The following XRCC5 variants were observed in gnomAD, a reference collection of about 807,000 sequenced individuals.
The protein encoded by XRCC5 is X-ray repair cross complementing 5, also known as DNA repair protein Ku80.
A neutral mutation model predicts 95.7 loss-of-function variants in XRCC5; 12 were observed. That is an observed-to-expected ratio of 0.13 (90% CI 0.08 to 0.20). XRCC5 has a LOEUF of 0.20. XRCC5 is among the 10% of genes least tolerant of loss of function. The pLI, the probability that XRCC5 is intolerant of heterozygous loss-of-function variation, is 1.00. For synonymous variants in XRCC5, 281 were observed against 290.3 expected, an observed-to-expected ratio of 0.97 and a Z score of 0.33; for missense variants, 595 against 873.9, an observed-to-expected ratio of 0.68 and a Z score of 4.02.
chr2:216,126,104 A>G (rs1166894700), intron 7 of XRCC5, 73 bp downstream of exon 7: 1 of 1,191,090 alleles, frequency 8.4e-7, no homozygotes, highest in Admixed American at 1.9e-5. Flanking sequence ...GGAACAGACA[A>G]TTCATGTGTG....
In XRCC5 at chr2:216,170,906, A is replaced by G. The variant is rs184292952; in HGVS notation, c.1834+8858A>G. Among the ~76,000 whole-genome samples the G allele has an allele frequency of 3.1e-4, 47 of 152,304 alleles. No individual in the cohort carries two copies. The East Asian group carries it at 7.1e-3, about 23-fold the overall frequency. ...ATTCTGCAGTTCTTCCTTCCATGGT[A>G]GGTCATTGTCATGTCATGTAGGGTA... On this transcript the variant is annotated intron_variant, in intron 16 of 20. Coordinates refer to ENST00000392132, the MANE Select transcript of XRCC5 (RefSeq NM_021141.4).
At chr2:216,200,771 T>C (rs1207256319) in intron 19 of XRCC5, among the ~76,000 whole-genome samples, 1 of 152,238 alleles carries the variant, frequency 6.6e-6, no homozygotes, top group African/African-American at 2.4e-5. Flanking sequence ...ATAATTGGAA[T>C]CATGCCTTTT....
intron 3 of XRCC5, 39 bp downstream of exon 3, chr2:216,116,881 C>G (rs765364534): frequency 6.2e-7 from 1 of 1,602,988 alleles, no homozygotes; most frequent in African/African-American, 1.3e-5. Context: ...AAGAAATTTC[C>G]TTTATTCTGG....
rs1320314535 is a variant in XRCC5 at position 216,206,167 on chromosome 2, T to TC, written c.*965_*966insC. The TC allele has an allele frequency of 9.2e-5, 14 of 152,356 alleles. No homozygotes were observed. The East Asian group carries it at 1.5e-3, about 17-fold the overall frequency. The allele number at this position is 152,356 out of a possible 1,614,324, so 9.4% of individuals were successfully genotyped here. On this transcript the variant is annotated 3_prime_UTR_variant, in exon 21 of 21. Transcript: ENST00000392132. ...TCCTCATTCTTGCCTTGAGTTCCAG[T>TC]TCCTCTTTGGTGTACAGACTTCTTG...
intron 8 of XRCC5, among the ~76,000 whole-genome samples, chr2:216,128,323 A>G (rs980886640): frequency 6.6e-6 from 1 of 152,196 alleles, no homozygotes; most frequent in Non-Finnish European, 1.5e-5. Context: ...TTGCCAGGCT[A>G]TTCACTACCC....
chr2:216,170,070 A>AAAAG (rs1689129885), intron 16 of XRCC5, among the ~76,000 whole-genome samples: 1 of 131,496 alleles, frequency 7.6e-6, no homozygotes, highest in Non-Finnish European at 1.6e-5. Flanking sequence ...AAAAAAAAAA[A>AAAAG]GATGCACTTG....
intron 14 of XRCC5, among the ~76,000 whole-genome samples, chr2:216,151,020 C>T (rs546861349): frequency 6.6e-6 from 1 of 152,306 alleles, no homozygotes; most frequent in South Asian, 2.1e-4. Context: ...ATATGTGGCT[C>T]ATCATTGACC....
intron 19 of XRCC5, among the ~76,000 whole-genome samples, chr2:216,197,594 T>A: frequency 6.6e-6 from 1 of 152,270 alleles, no homozygotes; most frequent in South Asian, 2.1e-4. Context: ...TTTTAGAGCA[T>A]AGTGTTTCCA....
chr2:216,172,464 C>CTTTCCTTTTTTTTTTT (rs1258491985), intron 16 of XRCC5, among the ~76,000 whole-genome samples: 3 of 70,348 alleles, frequency 4.3e-5, no homozygotes, highest in African/African-American at 1.9e-4. Context: ...ATCAGCTTTT[C>CTTTCCTTTTTTTTTTT]TTTTCTTTTT....
rs1332827121 is a variant in XRCC5 at position 216,137,234 on chromosome 2, C to T, written c.1251+9C>T. ...TCAAGCATAACTATGAGGTAAAACC[C>T]AAAGTCTTAATGTTATTTTTTTTCT... On this transcript the variant is annotated intron_variant, in intron 11 of 20. Coordinates refer to ENST00000392132, the MANE Select transcript of XRCC5 (RefSeq NM_021141.4). The T allele has an allele frequency of 1.6e-5, 25 of 1,610,006 alleles. No homozygotes were observed. Among genetic ancestry groups the T allele is most frequent in the Non-Finnish European group, 2.1e-5 (25 of 1,178,214 alleles).
intron 19 of XRCC5, among the ~76,000 whole-genome samples, chr2:216,196,079 G>C (rs941008099): frequency 4.6e-5 from 7 of 152,168 alleles, no homozygotes; most frequent in Non-Finnish European, 1.0e-4. Flanking sequence ...ATGTTAATCA[G>C]ATGGCTAAAT....
At chr2:216,109,881 T>A (rs1472291076) in intron 1 of XRCC5, among the ~76,000 whole-genome samples, 1 of 152,202 alleles carries the variant, frequency 6.6e-6, no homozygotes, top group African/African-American at 2.4e-5. Context: ...CCCACAGGGC[T>A]TGTTGTAAAA....
At chr2:216,155,236 C>CAAAAAAAAA (rs10674711) in intron 14 of XRCC5, among the ~76,000 whole-genome samples, 4 of 80,426 alleles carry the variant, frequency 5.0e-5, no homozygotes, top group African/African-American at 1.5e-4. Flanking sequence ...ACTCCCATCT[C>CAAAAAAAAA]AAAAAAAAAA....
intron 16 of XRCC5, among the ~76,000 whole-genome samples, chr2:216,187,470 G>C (rs1689516775): frequency 4.3e-5 from 2 of 47,020 alleles, no homozygotes; most frequent in African/African-American, 1.8e-4. Context: ...TAGCAACTGT[G>C]TGTGTGTGTG....
chr2:216,194,836 G>T (rs975817793), intron 18 of XRCC5, 83 bp from the exon 19 acceptor site: 2 of 1,247,524 alleles, frequency 1.6e-6, no homozygotes, highest in Non-Finnish European at 2.4e-6. Flanking sequence ...CAGCTCAAAG[G>T]TGGGAGGAGG....
intron 10 of XRCC5, among the ~76,000 whole-genome samples, chr2:216,133,985 CAG>C (rs751791279): frequency 9.8e-5 from 15 of 152,302 alleles, no homozygotes; most frequent in Middle Eastern, 3.4e-3. Context: ...TGCTTCGTAT[CAG>C]AGGGGTGAAC....
chr2:216,191,450 C>T (rs1010083285), intron 17 of XRCC5, among the ~76,000 whole-genome samples: 3 of 151,106 alleles, frequency 2.0e-5, no homozygotes, highest in Non-Finnish European at 2.9e-5. Flanking sequence ...TCACTCTTGT[C>T]GCCCAGGCTG....
At chr2:216,174,991 C>A in intron 16 of XRCC5, 1 of 322,272 alleles carries the variant, frequency 3.1e-6, no homozygotes, top group Non-Finnish European at 6.0e-6. Context: ...AAAACTGCAC[C>A]CTTTAATGGG....
At chr2:216,200,180 G>A (rs1032626458) in intron 19 of XRCC5, among the ~76,000 whole-genome samples, 3 of 152,088 alleles carry the variant, frequency 2.0e-5, no homozygotes, top group African/African-American at 7.2e-5. Flanking sequence ...AGCTCTTCAC[G>A]CCTTCACCTT....
Sources: gnomAD v4.1 joint callset for allele counts (sites outside exome capture counted in the v4.1 genomes callset) on GRCh38, gnomAD v4.1.1 for gene constraint, MANE v1.5 for transcripts, NCBI Gene and HGNC (gene_info 2026-07-23, HGNC 2026-07-21) for gene names.